CDKL1: variants seen among roughly 807,000 people sequenced by gnomAD.
CDKL1 encodes the protein cyclin-dependent kinase-like 1.
Under a neutral mutation model 42.0 loss-of-function variants are expected in CDKL1, and 41 were observed. The observed-to-expected ratio is 0.98, with a 90% confidence interval of 0.76 to 1.27. CDKL1 has a LOEUF of 1.27. CDKL1 is among the 50% of genes most tolerant of loss of function. CDKL1 has a pLI of 0.00. For synonymous variants in CDKL1, 153 were observed against 158.6 expected (o/e 0.96, Z 0.26); for missense variants, 394 against 428.4 (o/e 0.92, Z 0.71).
chr14:50,358,825 A>G (rs1325616059), intron 3 of CDKL1, among the ~76,000 whole-genome samples: 3 of 151,628 alleles, frequency 2.0e-5, no homozygotes, highest in Non-Finnish European at 4.4e-5. Context: ...TTTTTAGTAG[A>G]GATGGGGTTT....
At chr14:50,352,384 G>C (rs1436717763) in intron 3 of CDKL1, among the ~76,000 whole-genome samples, 2 of 152,092 alleles carry the variant, frequency 1.3e-5, no homozygotes, top group East Asian at 1.9e-4. Context: ...AATTGGTTCT[G>C]TCTGGCAAAA....
At chr14:50,336,365 A>G in intron 7 of CDKL1, 2 of 766,464 alleles carry the variant, frequency 2.6e-6, no homozygotes, top group Non-Finnish European at 3.6e-6. Context: ...AGGCTTCACC[A>G]ACAGACAAGT....
At position 50,330,498 on chromosome 14, in the gene CDKL1, C is replaced by G; in HGVS notation, c.967-317G>C. ...GAGAGCTTGCTGAGATCTTAGGGATCATTTAAGCCAATGCCTTGTCTTATA... is the reference window on the plus strand; with the variant it reads ...GAGAGCTTGCTGAGATCTTAGGGATGATTTAAGCCAATGCCTTGTCTTATA... On this transcript the variant is annotated intron_variant, in intron 9 of 9. Transcript: ENST00000395834. 4 of 267,896 alleles carry G rather than the reference C, an allele frequency of 1.5e-5. No homozygotes were observed. In the South Asian group the frequency reaches 1.7e-4, roughly 12 times the overall value. The allele number at this position is 267,896 out of a possible 1,614,324, so 16.6% of individuals were successfully genotyped here.
At chr14:50,336,074 T>C (rs781560749) in intron 7 of CDKL1, 4 of 1,366,436 alleles carry the variant, frequency 2.9e-6, no homozygotes, top group Non-Finnish European at 3.9e-6. Context: ...GTGCCATTGC[T>C]ATATCATCGA....
At chr14:50,388,470 G>A (rs138385974) in intron 2 of CDKL1, among the ~76,000 whole-genome samples, 201 of 152,364 alleles carry the variant, frequency 1.3e-3, no homozygotes, top group African/African-American at 4.4e-3. Context: ...TGAAGACAGT[G>A]AGCCTCTTGG....
rs191544317 is a variant in CDKL1, at chr14:50,392,564, C to A, written c.168+3137G>T. Among the ~76,000 whole-genome samples, 3 of 152,100 alleles carry A rather than the reference C, an allele frequency of 2.0e-5. No homozygotes were observed. The East Asian group carries it at 5.8e-4, about 29-fold the overall frequency. On this transcript the variant is annotated intron_variant, in intron 2 of 9. Transcript: ENST00000395834. Reference sequence around the variant, plus strand: ...CTTGCCTCCCTTGCCGGTTCCTTTTCATCTTCCTGACCCCCAAAGGCTGGG... The same window carrying A: ...CTTGCCTCCCTTGCCGGTTCCTTTTAATCTTCCTGACCCCCAAAGGCTGGG...
In CDKL1 at chr14:50,332,312, TC is replaced by T; in HGVS notation, c.915del (p.Lys306ArgfsTer3). The part of the protein sequence containing the change: ...DLAKEHNKPT[R>X]KTLRKSRKHH... ...TGCTTTCGGCTCTTTCTTAGGGTCT[TC>T]CTTGTTGGTTTGTTGTGTTCTTTTG... On this transcript the variant is annotated frameshift_variant, in exon 9 of 10. Coordinates refer to ENST00000395834, the MANE Select transcript of CDKL1 (RefSeq NM_004196.7). LOFTEE classifies it high-confidence loss of function. 1.9e-6 allele frequency: 3 copies of T among 1,614,178 alleles called. No homozygotes were observed. In the South Asian group the frequency reaches 3.3e-5, roughly 18 times the overall value.
rs867058661 is a variant in CDKL1, at chr14:50,390,473, A to G, written c.168+5228T>C. Reference sequence around the variant, plus strand: ...GGGGCCTTAGTAATACAATTATTCTATTGTATTACTTTGTATTTGTATGGT... The same window carrying G: ...GGGGCCTTAGTAATACAATTATTCTGTTGTATTACTTTGTATTTGTATGGT... On this transcript the variant is annotated intron_variant, in intron 2 of 9. Transcript: ENST00000395834. 23 of 1,031,696 alleles carry G rather than the reference A, an allele frequency of 2.2e-5. No individual in the cohort carries two copies. In the Middle Eastern group the frequency reaches 3.7e-3, roughly 166 times the overall value. The allele number at this position is 1,031,696 out of a possible 1,614,324, so 63.9% of individuals were successfully genotyped here. A position where few individuals can be genotyped will look rare whatever the true frequency, so the allele number is the denominator to read the frequency against.
chr14:50,331,818 T>C, intron 9 of CDKL1: 1 of 581,930 alleles, frequency 1.7e-6, no homozygotes, highest in Non-Finnish European at 3.0e-6. Context: ...CATCACTGTA[T>C]TTGCCCTAGC....
chr14:50,386,263 C>G (rs1451860142), intron 2 of CDKL1, among the ~76,000 whole-genome samples: 1 of 151,966 alleles, frequency 6.6e-6, no homozygotes, highest in Non-Finnish European at 1.5e-5. Flanking sequence ...AAAATCCTAT[C>G]TCTACAAAAA....
In CDKL1 at chr14:50,346,651, G is replaced by T. The variant is rs145630642; in HGVS notation, c.291-1593C>A. Among the ~76,000 whole-genome samples the T allele has an allele frequency of 2.5e-3, 303 of 123,654 alleles. 1 individual carries two copies. Among genetic ancestry groups the T allele is most frequent in the African/African-American group, 8.2e-3 (248 of 30,172 alleles). The allele number at this position is 123,654 out of a possible 152,430, so 81.1% of individuals were successfully genotyped here. On this transcript the variant is annotated intron_variant, in intron 3 of 9. Coordinates refer to ENST00000395834, the MANE Select transcript of CDKL1 (RefSeq NM_004196.7). ...TGATTATTCAATAAATTAAATTTTTGGTTTTTTTTTTTTTTTTGAGATGGA... is the reference window on the plus strand; with the variant it reads ...TGATTATTCAATAAATTAAATTTTTTGTTTTTTTTTTTTTTTTGAGATGGA...
chr14:50,332,216 A>T, intron 9 of CDKL1, 46 bp downstream of exon 9: 2 of 1,613,978 alleles, frequency 1.2e-6, no homozygotes, highest in East Asian at 4.5e-5. Context: ...CTAGATTCCA[A>T]CTCTCTGTAC....
chr14:50,380,812 TGGGACAGAGCC>T (rs2034885108), intron 2 of CDKL1, among the ~76,000 whole-genome samples: 4 of 150,480 alleles, frequency 2.7e-5, no homozygotes, highest in Non-Finnish European at 4.4e-5. Flanking sequence ...CTTTTTTTTT[TGGGACAGAGCC>T]TTGTTCTGTC....
Position 50,396,298 on chromosome 14 carries a change from G to T in CDKL1, c.-430C>A. The T allele has an allele frequency of 9.9e-7, 1 of 1,013,086 alleles. No homozygotes were observed. Among genetic ancestry groups the T allele is most frequent in the Admixed American group, 5.5e-5 (1 of 18,282 alleles). The allele number at this position is 1,013,086 out of a possible 1,614,324, so 62.8% of individuals were successfully genotyped here. On this transcript the variant is annotated 5_prime_UTR_variant, in exon 2 of 10. Transcript: ENST00000395834. ...ATTGGCACCAACGGACTGCACTAGA[G>T]CCCCACCCAACGATGAGTGTTTGTC... is the stretch of plus-strand genomic sequence containing the variant.
intron 2 of CDKL1, among the ~76,000 whole-genome samples, chr14:50,391,549 G>GT (rs1350554939): frequency 2.6e-5 from 4 of 152,004 alleles, no homozygotes; most frequent in Admixed American, 2.0e-4. Flanking sequence ...CGCTTGCCTA[G>GT]TTTTTGTATT....
intron 3 of CDKL1, among the ~76,000 whole-genome samples, chr14:50,353,771 C>T (rs935290836): frequency 6.6e-6 from 1 of 151,996 alleles, no homozygotes; most frequent in Non-Finnish European, 1.5e-5. Flanking sequence ...TTGGGCACAC[C>T]TGTAGTCCCA....
chr14:50,368,302 G>A lies in CDKL1; in HGVS notation c.169-9153C>T, dbSNP rs1174739322. ...GACAGGGTCTTTCTCTGTTACCCAGGCTGGAGTGCAGTGGCATGATCATGG... is the reference window on the plus strand; with the variant it reads ...GACAGGGTCTTTCTCTGTTACCCAGACTGGAGTGCAGTGGCATGATCATGG... On this transcript the variant is annotated intron_variant, in intron 2 of 9. Coordinates refer to ENST00000395834, the MANE Select transcript of CDKL1 (RefSeq NM_004196.7). 8.6e-5 allele frequency among the ~76,000 whole-genome samples: 13 copies of A among 151,514 alleles called. No homozygotes were observed. The South Asian group carries it at 2.7e-3, about 32-fold the overall frequency.
At chr14:50,331,964 A>G in intron 9 of CDKL1, 1 of 1,410,828 alleles carries the variant, frequency 7.1e-7, no homozygotes, top group Non-Finnish European at 9.4e-7. Flanking sequence ...CAAAGCCCAA[A>G]AAGTCTCCTT....
chr14:50,355,313 T>A (rs1373885186), intron 3 of CDKL1, among the ~76,000 whole-genome samples: 1 of 152,218 alleles, frequency 6.6e-6, no homozygotes, highest in Non-Finnish European at 1.5e-5. Context: ...AAATATTTTC[T>A]TATGGTAAAT....
Sources: allele counts gnomAD v4.1 joint callset (sites outside exome capture counted in the v4.1 genomes callset), GRCh38; gene constraint gnomAD v4.1.1; transcripts MANE v1.5; gene names NCBI Gene and HGNC (gene_info 2026-07-23, HGNC 2026-07-21).